NADK2: variants seen among roughly 807,000 people sequenced by gnomAD.
NADK2 encodes NAD kinase 2, mitochondrial.
Under a neutral mutation model 62.1 loss-of-function variants are expected in NADK2, and 35 were observed. The observed-to-expected ratio is 0.56, with a 90% CI of 0.43 to 0.75. NADK2 has a LOEUF of 0.75. NADK2 is among the 30% of genes least tolerant of loss of function. The pLI, the probability that NADK2 is intolerant of heterozygous loss-of-function variation, is 0.00. For missense variants in NADK2, 439 were observed against 561.3 expected, an observed-to-expected ratio of 0.78 and a Z score of 2.20; for synonymous variants, 205 against 207.9, an observed-to-expected ratio of 0.99 and a Z score of 0.12.
chr5:36,233,561 G>T (rs11738984), intron 1 of NADK2, among the ~76,000 whole-genome samples: 13,705 of 152,144 alleles, frequency 0.09, 835 homozygotes, highest in South Asian at 0.23. Context: ...ACAATTTAAC[G>T]ATCACAGCCA....
At position 36,195,076 on chromosome 5, in the gene NADK2, G is replaced by A. The variant is rs191084329; in HGVS notation, c.*68C>T. On this transcript the variant is annotated 3_prime_UTR_variant, in exon 12 of 12. Coordinates refer to ENST00000381937, the MANE Select transcript of NADK2 (RefSeq NM_001085411.3). Reference sequence around the variant, plus strand: ...CAATAACCAAAAAATGTCACTTTACGACTGGTAGTCTGTTTCTGAAGTAAA... The same window carrying A: ...CAATAACCAAAAAATGTCACTTTACAACTGGTAGTCTGTTTCTGAAGTAAA... The A allele has an allele frequency of 7.2e-5, 110 of 1,522,868 alleles. No individual in the cohort carries two copies. In the African/African-American group the frequency reaches 1.2e-3, roughly 17 times the overall value. 94.3% of individuals were successfully genotyped at this position (1,522,868 alleles called of 1,614,324 possible). A position where few individuals can be genotyped will look rare whatever the true frequency, so the allele number is the denominator to read the frequency against.
chr5:36,204,890 T>C (rs1426227014), intron 8 of NADK2, among the ~76,000 whole-genome samples: 1 of 151,992 alleles, frequency 6.6e-6, no homozygotes, highest in African/African-American at 2.4e-5. Flanking sequence ...TAATGGTATG[T>C]GGGGATTCAT....
chr5:36,198,470 T>C (rs542756724), intron 10 of NADK2, among the ~76,000 whole-genome samples: 151 of 151,744 alleles, frequency 1.0e-3, no homozygotes, highest in African/African-American at 3.4e-3. Context: ...GTAACAGTGA[T>C]TGCATCACTG....
At chr5:36,208,077 G>T (rs1446040462) in intron 7 of NADK2, among the ~76,000 whole-genome samples, 2 of 151,998 alleles carry the variant, frequency 1.3e-5, no homozygotes, top group Admixed American at 6.6e-5. Flanking sequence ...AAATAAAAAA[G>T]TTACGATAAA....
intron 1 of NADK2, 112 bp from the exon 2 acceptor site, chr5:36,227,677 T>A: frequency 2.1e-6 from 1 of 472,686 alleles, no homozygotes; most frequent in Non-Finnish European, 3.4e-6. Context: ...AAATATATTT[T>A]AATAACTACC....
In NADK2 at chr5:36,193,716, A is replaced by C. The variant is rs1187000276; in HGVS notation, c.*1428T>G. The C allele has an allele frequency of 2.0e-5, 3 of 152,550 alleles. No homozygotes were observed. The highest frequency in any genetic ancestry group is 6.5e-5 in the Admixed American group (1 of 15,270). The allele number at this position is 152,550 out of a possible 1,614,324, so 9.4% of individuals were successfully genotyped here. A position where few individuals can be genotyped will look rare whatever the true frequency, so the allele number is the denominator to read the frequency against. ...TGGATATACATCAAAACCTAGATTA[A>C]CTTTGTACATTAACATTTATTTTAA... On this transcript the variant is annotated 3_prime_UTR_variant, in exon 12 of 12. Coordinates refer to ENST00000381937, the MANE Select transcript of NADK2 (RefSeq NM_001085411.3).
chr5:36,235,942 C>T (rs974203249), intron 1 of NADK2, among the ~76,000 whole-genome samples: 2 of 151,218 alleles, frequency 1.3e-5, no homozygotes, highest in African/African-American at 2.4e-5. Context: ...AAATAACTGG[C>T]ACACTTGCTG....
Position 36,195,258 on chromosome 5 carries a change from C to A in NADK2, c.1215G>T (p.Trp405Cys). The A allele has an allele frequency of 6.2e-7, 1 of 1,610,458 alleles. No individual in the cohort carries two copies. The highest frequency in any genetic ancestry group is 1.7e-5 in the Admixed American group (1 of 59,394). Residue 405 changes from tryptophan to cysteine, a missense_variant, in exon 12 of 12, where the codon TGG (tryptophan) becomes TGT (cysteine). By Grantham distance (215) the Trp-to-Cys change is radical (BLOSUM62 -2). Coordinates refer to ENST00000381937, the MANE Select transcript of NADK2 (RefSeq NM_001085411.3). The stretch of plus-strand genomic sequence containing the variant: ...CTCCATCCACAACCATACAGGCATC[C>A]CAACAACGAGAACGAACACAAACCC... ...SSKVCVRSRC[W>C]DACMVVDGGT...
chr5:36,228,740 T>C (rs1561073213), intron 1 of NADK2, among the ~76,000 whole-genome samples: 1 of 150,992 alleles, frequency 6.6e-6, no homozygotes, highest in African/African-American at 2.4e-5. Flanking sequence ...CACCTCAGCC[T>C]CCCAGGCAGC....
chr5:36,197,580 C>T lies in NADK2; in HGVS notation c.1151G>A (p.Arg384Lys). The stretch of plus-strand genomic sequence containing the variant: ...ACGCTGACGACTGCTTGAGAAAACT[C>T]TATTTGCTATTGGTTCTCGAATACT... ...LFSIREPIAN[R>K]VFSSSRQRCF... Residue 384 changes from arginine (R) to lysine (K), a missense_variant, in exon 11 of 12, where the codon AGA becomes AAA. Transcript: ENST00000381937. 1 of 1,612,178 alleles carries T rather than the reference C, an allele frequency of 6.2e-7. No individual in the cohort carries two copies. The highest frequency in any genetic ancestry group is 8.5e-7 in the Non-Finnish European group (1 of 1,178,940).
rs1746175554 is a variant in NADK2, at chr5:36,195,017, T to A, written c.*127A>T. On this transcript the variant is annotated 3_prime_UTR_variant, in exon 12 of 12. Coordinates refer to ENST00000381937, the MANE Select transcript of NADK2 (RefSeq NM_001085411.3). ...GAATCCAACAGAAGAATAATGCAAATCTCACTTCTGAGCCCACGGGCAAGC... is the reference window on the plus strand; with the variant it reads ...GAATCCAACAGAAGAATAATGCAAAACTCACTTCTGAGCCCACGGGCAAGC... 1 of 919,080 alleles carries A rather than the reference T, an allele frequency of 1.1e-6. No homozygotes were observed. Among genetic ancestry groups the A allele is most frequent in the Non-Finnish European group, 1.6e-6 (1 of 626,978 alleles). The allele number at this position is 919,080 out of a possible 1,614,324, so 56.9% of individuals were successfully genotyped here. A position where few individuals can be genotyped will look rare whatever the true frequency, so the allele number is the denominator to read the frequency against.
chr5:36,211,177 T>C (rs552976808), intron 7 of NADK2, among the ~76,000 whole-genome samples: 3 of 152,256 alleles, frequency 2.0e-5, no homozygotes, highest in African/African-American at 7.2e-5. Flanking sequence ...TATAAGAGTA[T>C]TGATTGGGGA....
intron 1 of NADK2, among the ~76,000 whole-genome samples, chr5:36,229,368 G>A (rs1747620324): frequency 6.6e-6 from 1 of 152,238 alleles, no homozygotes; most frequent in South Asian, 2.1e-4. Flanking sequence ...AGCAACCAAT[G>A]TCAATAATTT....
At chr5:36,201,438 T>C (rs924547337) in intron 8 of NADK2, among the ~76,000 whole-genome samples, 4 of 151,964 alleles carry the variant, frequency 2.6e-5, no homozygotes, top group African/African-American at 9.7e-5. Context: ...TAACCTAAAA[T>C]ATACCTCCAT....
chr5:36,216,130 C>G (rs1747033511), intron 6 of NADK2, among the ~76,000 whole-genome samples: 2 of 152,106 alleles, frequency 1.3e-5, no homozygotes, highest in African/African-American at 4.8e-5. Flanking sequence ...AACGGCCATT[C>G]TAACTGGGGA....
At chr5:36,202,082 C>T (rs915267124) in intron 8 of NADK2, among the ~76,000 whole-genome samples, 14 of 151,980 alleles carry the variant, frequency 9.2e-5, no homozygotes, top group Non-Finnish European at 1.8e-4. Flanking sequence ...TGGCTCTTAA[C>T]GTTTTGGGGG....
intron 6 of NADK2, among the ~76,000 whole-genome samples, chr5:36,216,332 T>C (rs1747041259): frequency 6.6e-6 from 1 of 152,182 alleles, no homozygotes; most frequent in Non-Finnish European, 1.5e-5. Context: ...ATTAGTCCCT[T>C]GTTAGATGAA....
chr5:36,235,589 C>T lies in NADK2; in HGVS notation c.300+5910G>A, dbSNP rs1459935082. On this transcript the variant is annotated intron_variant, in intron 1 of 11. Coordinates refer to ENST00000381937, the MANE Select transcript of NADK2 (RefSeq NM_001085411.3). ...AAACTCTGATCTTCTGCTGTTAAAG[C>T]AGGATTTGTCTACTCTGTTATATCC... 2.6e-5 allele frequency among the ~76,000 whole-genome samples: 4 copies of T among 152,252 alleles called. No homozygotes were observed. The East Asian group carries it at 5.8e-4, about 22-fold the overall frequency.
At chr5:36,240,305 T>C (rs1748058996) in intron 1 of NADK2, among the ~76,000 whole-genome samples, 1 of 152,210 alleles carries the variant, frequency 6.6e-6, no homozygotes, top group African/African-American at 2.4e-5. Context: ...GGAGCCCTCT[T>C]CAGTAAACCC....
Sources: allele counts gnomAD v4.1 joint callset (sites outside exome capture counted in the v4.1 genomes callset), GRCh38; gene constraint gnomAD v4.1.1; transcripts MANE v1.5; gene names NCBI Gene and HGNC (gene_info 2026-07-23, HGNC 2026-07-21).